Variants in EEFSEC observed in about 807,000 individuals in gnomAD.
EEFSEC encodes the protein selenocysteine-specific elongation factor.
A neutral mutation model predicts 42.1 loss-of-function variants in EEFSEC; 43 were observed. That is an observed-to-expected ratio of 1.02 (90% CI 0.80 to 1.32). The LOEUF is 1.32. EEFSEC is among the 40% of genes most tolerant of loss of function. EEFSEC has a pLI of 0.00. For missense variants in EEFSEC, 745 were observed against 803.6 expected (o/e 0.93, Z 0.88); for synonymous variants, 354 against 339.1 (o/e 1.04, Z -0.48).
intron 1 of EEFSEC, among the ~76,000 whole-genome samples, chr3:128,215,714 G>T (rs559332774): frequency 6.6e-6 from 1 of 152,232 alleles, no homozygotes; most frequent in East Asian, 1.9e-4. Flanking sequence ...TGGATCCAGG[G>T]CCTCAAATAA....
the EEFSEC span, among the ~76,000 whole-genome samples, chr3:128,415,122 G>C: frequency 3.4e-4 from 51 of 152,086 alleles, 1 homozygote; most frequent in African/African-American, 1.2e-3. Context: ...TGGGGAATTT[G>C]GCTTGGAAAG....
At chr3:128,227,980 T>C (rs2065924464) in intron 1 of EEFSEC, among the ~76,000 whole-genome samples, 1 of 152,214 alleles carries the variant, frequency 6.6e-6, no homozygotes, top group Admixed American at 6.5e-5. Context: ...CTTTTTTCTG[T>C]TTCTAAACAA....
At chr3:128,305,546 T>C (rs1035944200) in intron 4 of EEFSEC, among the ~76,000 whole-genome samples, 1 of 152,224 alleles carries the variant, frequency 6.6e-6, no homozygotes, top group Non-Finnish European at 1.5e-5. Context: ...TTTGTATTAT[T>C]AGTCTTTTGT....
intron 1 of EEFSEC, among the ~76,000 whole-genome samples, chr3:128,174,344 A>G (rs1237049341): frequency 6.6e-6 from 1 of 152,262 alleles, no homozygotes; most frequent in Non-Finnish European, 1.5e-5. Context: ...CTTGCATTGT[A>G]GTAGGCATTT....
intron 1 of EEFSEC, among the ~76,000 whole-genome samples, chr3:128,201,913 T>A (rs66544980): frequency 6.6e-6 from 1 of 152,216 alleles, no homozygotes. Flanking sequence ...TAGATTTTTT[T>A]CCGTATGGCT....
intron 1 of EEFSEC, among the ~76,000 whole-genome samples, chr3:128,214,011 A>T (rs375531076): frequency 1.3e-5 from 2 of 152,312 alleles, no homozygotes; most frequent in East Asian, 3.9e-4. Flanking sequence ...TCTGAAAGAC[A>T]TAATGGGGAC....
chr3:128,256,521 A>T (rs939352001), intron 2 of EEFSEC, among the ~76,000 whole-genome samples: 3 of 152,200 alleles, frequency 2.0e-5, no homozygotes, highest in Non-Finnish European at 4.4e-5. Context: ...CCTCATCAGC[A>T]CCAAGACACT....
chr3:128,230,888 C>G (rs748640103), intron 1 of EEFSEC, among the ~76,000 whole-genome samples: 50 of 152,160 alleles, frequency 3.3e-4, no homozygotes, highest in Non-Finnish European at 6.9e-4. Context: ...CAGGAAGTTT[C>G]CTTCACAGTT....
At chr3:128,260,993 C>A (rs944572700) in intron 2 of EEFSEC, among the ~76,000 whole-genome samples, 1 of 152,022 alleles carries the variant, frequency 6.6e-6, no homozygotes, top group Admixed American at 6.6e-5. Context: ...CATTCATGCC[C>A]GCTGACATGT....
At chr3:128,412,579 C>T (rs1480132722), downstream of EEFSEC, among the ~76,000 whole-genome samples, 3 of 152,174 alleles carry the variant, frequency 2.0e-5, no homozygotes, top group Non-Finnish European at 2.9e-5. Flanking sequence ...AAGGCTGTGG[C>T]GAGGAAGTGC....
At chr3:128,366,809 G>C (rs1184569426) in intron 6 of EEFSEC, among the ~76,000 whole-genome samples, 3 of 152,252 alleles carry the variant, frequency 2.0e-5, no homozygotes, top group Admixed American at 2.0e-4. Context: ...CCTTGTGTTG[G>C]GTTCTAGAAA....
chr3:128,179,103 T>C (rs1444183104), intron 1 of EEFSEC, among the ~76,000 whole-genome samples: 1 of 152,222 alleles, frequency 6.6e-6, no homozygotes, highest in Non-Finnish European at 1.5e-5. Context: ...TGATTTAGTC[T>C]ACTAAAATAA....
At chr3:128,172,858 C>T (rs924607378) in intron 1 of EEFSEC, among the ~76,000 whole-genome samples, 2 of 152,168 alleles carry the variant, frequency 1.3e-5, no homozygotes, top group African/African-American at 2.4e-5. Flanking sequence ...TGATAGCAAT[C>T]GAGGAGAAAA....
chr3:128,346,271 T>A (rs2067311429), intron 5 of EEFSEC, among the ~76,000 whole-genome samples: 1 of 152,264 alleles, frequency 6.6e-6, no homozygotes, highest in African/African-American at 2.4e-5. Context: ...TTCTTTCAGC[T>A]GCTTCGATCA....
At chr3:128,323,317 A>G (rs943200349) in intron 4 of EEFSEC, among the ~76,000 whole-genome samples, 1 of 152,160 alleles carries the variant, frequency 6.6e-6, no homozygotes, top group Non-Finnish European at 1.5e-5. Context: ...CCATCTGGTT[A>G]CCCAAGTTCT....
rs1185981144 is a variant in EEFSEC at position 128,229,455 on chromosome 3, G to A, written c.317-17381G>A. Among the ~76,000 whole-genome samples the A allele has an allele frequency of 2.6e-5, 4 of 152,242 alleles. No individual in the cohort carries two copies. The South Asian group carries it at 8.3e-4, about 32-fold the overall frequency. ...TCCACCTTCCCCACCCCCACCATGG[G>A]CAAAACATGTCTCATGGGAGAAAGA... On this transcript the variant is annotated intron_variant, in intron 1 of 6. Coordinates refer to ENST00000254730, the MANE Select transcript of EEFSEC (RefSeq NM_021937.5).
chr3:128,192,319 G>A (rs2065533131), intron 1 of EEFSEC, among the ~76,000 whole-genome samples: 1 of 152,174 alleles, frequency 6.6e-6, no homozygotes, highest in Admixed American at 6.5e-5. Context: ...TGGTTCTCAG[G>A]TGTGCCCCTT....
intron 4 of EEFSEC, among the ~76,000 whole-genome samples, chr3:128,331,941 T>G (rs1309211642): frequency 6.6e-6 from 1 of 152,116 alleles, no homozygotes; most frequent in Non-Finnish European, 1.5e-5. Context: ...CATCCAGATA[T>G]CTATGCTAGA....
intron 6 of EEFSEC, among the ~76,000 whole-genome samples, chr3:128,362,417 G>GATC (rs1559940567): frequency 9.2e-5 from 14 of 152,208 alleles, no homozygotes; most frequent in African/African-American, 3.4e-4. Flanking sequence ...GCACACATGT[G>GATC]CCCGTGATCT....
Sources: gnomAD v4.1 joint callset for allele counts (sites outside exome capture counted in the v4.1 genomes callset) on GRCh38, gnomAD v4.1.1 for gene constraint, MANE v1.5 for transcripts, NCBI Gene and HGNC (gene_info 2026-07-23, HGNC 2026-07-21) for gene names.